FAM120B: variants seen among roughly 807,000 people sequenced by gnomAD.
FAM120B encodes the protein family with sequence similarity 120 member B.
In FAM120B, 83 loss-of-function variants were observed where a neutral mutation model predicts 96.3. The ratio of observed to expected loss-of-function variants is 0.86; its 90% CI spans 0.72 to 1.03. The LOEUF (loss-of-function observed/expected upper bound fraction) is 1.03. Ranked by LOEUF, FAM120B falls within the 50% of genes least tolerant of loss-of-function variation. FAM120B has a pLI of 0.00. For missense variants in FAM120B, 1,027 were observed against 1,121.2 expected (o/e 0.92, Z 1.20); for synonymous variants, 407 against 402.7 (o/e 1.01, Z -0.13).
intron 6 of FAM120B, among the ~76,000 whole-genome samples, chr6:170,388,048 G>A (rs552863105): frequency 6.6e-6 from 1 of 152,268 alleles, no homozygotes; most frequent in South Asian, 2.1e-4. Context: ...ATGGGTGGAT[G>A]GATGAAGACA....
chr6:170,326,005 G>A (rs1363495719), intron 3 of FAM120B, among the ~76,000 whole-genome samples: 5 of 152,086 alleles, frequency 3.3e-5, no homozygotes, highest in Non-Finnish European at 4.4e-5. Context: ...TTGTAACTGT[G>A]TATTTTCATT....
In FAM120B at chr6:170,368,649, C is replaced by T. The variant is rs112056140; in HGVS notation, c.2283+10331C>T. Among the ~76,000 whole-genome samples the T allele has an allele frequency of 1.5e-3, 223 of 152,292 alleles. 1 individual carries two copies. Among genetic ancestry groups the T allele is most frequent in the African/African-American group, 5.1e-3 (210 of 41,560 alleles). The stretch of plus-strand genomic sequence containing the variant: ...GGAAAAATGCTTTCATTATTGGGCA[C>T]TCAATAAAAATTTGGTGAATGAATG... On this transcript the variant is annotated intron_variant, in intron 6 of 10. Coordinates refer to ENST00000476287, the MANE Select transcript of FAM120B (RefSeq NM_032448.3).
Position 170,363,100 on chromosome 6 carries a change from A to G in FAM120B, c.2283+4782A>G, listed in dbSNP as rs58012378. Among the ~76,000 whole-genome samples the G allele has an allele frequency of 0.017, 2,617 of 152,128 alleles. 73 individuals carry two copies. The highest frequency in any genetic ancestry group is 0.056 in the African/African-American group (2,332 of 41,490). Reference sequence around the variant, plus strand: ...CCGTGTCAGGGCTCTGAAAGCCACAAAACCATCACCCCTCCTCCTGCTGGC... The same window carrying G: ...CCGTGTCAGGGCTCTGAAAGCCACAGAACCATCACCCCTCCTCCTGCTGGC... On this transcript the variant is annotated intron_variant, in intron 6 of 10. Coordinates refer to ENST00000476287, the MANE Select transcript of FAM120B (RefSeq NM_032448.3). The surrounding 1 kb of genome is among the most constrained non-coding windows in gnomAD (Gnocchi z 4.5).
chr6:170,297,774 C>A (rs1352048198), intron 1 of FAM120B: 1 of 152,140 alleles, frequency 6.6e-6, no homozygotes, highest in Non-Finnish European at 1.5e-5. Flanking sequence ...GTGTGGCTCC[C>A]CAAATGTTGT....
chr6:170,347,901 C>G (rs1208160423), intron 4 of FAM120B, among the ~76,000 whole-genome samples: 1 of 151,912 alleles, frequency 6.6e-6, no homozygotes, highest in African/African-American at 2.4e-5. Flanking sequence ...TCTTAATGGT[C>G]GAAAGTGCAG....
chr6:170,373,384 G>A (rs143423092), intron 6 of FAM120B, among the ~76,000 whole-genome samples: 1 of 152,268 alleles, frequency 6.6e-6, no homozygotes, highest in East Asian at 1.9e-4. Context: ...CCTCTGTCAC[G>A]CTGACTTGGG....
intron 6 of FAM120B, among the ~76,000 whole-genome samples, chr6:170,380,717 G>T (rs1033952375): frequency 7.9e-5 from 12 of 152,192 alleles, no homozygotes; most frequent in African/African-American, 2.9e-4. Context: ...CTGTCGAGTT[G>T]TGTGAGTTCC....
intron 5 of FAM120B, among the ~76,000 whole-genome samples, chr6:170,353,020 A>G (rs556908058): frequency 2.0e-5 from 3 of 152,288 alleles, no homozygotes; most frequent in African/African-American, 2.4e-5. Context: ...AAATAAATAC[A>G]ATCAGAAATG....
chr6:170,312,771 T>C (rs1784663932), intron 1 of FAM120B, among the ~76,000 whole-genome samples: 1 of 152,172 alleles, frequency 6.6e-6, no homozygotes, highest in African/African-American at 2.4e-5. Context: ...ACTATTGCAG[T>C]GAAGGAGAGA....
At chr6:170,401,839 C>A (rs1778598556) in intron 9 of FAM120B, among the ~76,000 whole-genome samples, 2 of 152,238 alleles carry the variant, frequency 1.3e-5, no homozygotes, top group African/African-American at 4.8e-5. Flanking sequence ...AATCTGAAAC[C>A]TGAACTACTT....
At chr6:170,362,532 G>A (rs1195928163) in intron 6 of FAM120B, among the ~76,000 whole-genome samples, 1 of 152,182 alleles carries the variant, frequency 6.6e-6, no homozygotes, top group African/African-American at 2.4e-5. Context: ...CATGGTTGCC[G>A]TTATTCTCTC....
intron 1 of FAM120B, among the ~76,000 whole-genome samples, chr6:170,296,307 G>A (rs1236305217): frequency 1.3e-5 from 2 of 152,156 alleles, no homozygotes; most frequent in Non-Finnish European, 1.5e-5. Context: ...GATCCGCGAC[G>A]GGGAGTGAGC....
intron 1 of FAM120B, among the ~76,000 whole-genome samples, chr6:170,313,926 C>T (rs562945992): frequency 6.6e-6 from 1 of 152,368 alleles, no homozygotes; most frequent in South Asian, 2.1e-4. Flanking sequence ...GTAAGTCCCT[C>T]ATCCCTGTGT....
At chr6:170,328,820 A>C (rs1056577618) in intron 3 of FAM120B, among the ~76,000 whole-genome samples, 2 of 152,214 alleles carry the variant, frequency 1.3e-5, no homozygotes, top group Non-Finnish European at 2.9e-5. Flanking sequence ...TATATGCCAG[A>C]ACATTTTGGA....
At chr6:170,378,077 GTTTATA>G (rs971469224) in intron 6 of FAM120B, among the ~76,000 whole-genome samples, 12 of 152,204 alleles carry the variant, frequency 7.9e-5, no homozygotes, top group African/African-American at 2.4e-4. Context: ...TTGGTTTAGA[GTTTATA>G]TTTAATACCT....
At chr6:170,402,647 AAGG>A (rs1249999500) in intron 9 of FAM120B, among the ~76,000 whole-genome samples, 2 of 152,176 alleles carry the variant, frequency 1.3e-5, no homozygotes, top group Non-Finnish European at 2.9e-5. Flanking sequence ...CCTCCAGAAA[AAGG>A]AGGAGACAGT....
chr6:170,401,894 A>G (rs562615298), intron 9 of FAM120B, among the ~76,000 whole-genome samples: 1 of 152,368 alleles, frequency 6.6e-6, no homozygotes, highest in East Asian at 1.9e-4. Flanking sequence ...CCTGTAGTAA[A>G]CAACCCAGGG....
In FAM120B at chr6:170,319,098, A is replaced by G. The variant is rs1785127974; in HGVS notation, c.1708A>G (p.Met570Val). Residue 570 changes from methionine to valine, a missense_variant, in exon 2 of 11, where the codon ATG (methionine) becomes GTG (valine). Around this residue, in one of 3 missense-constraint regions of FAM120B, gnomAD observed 880 missense variants for 980.9 expected, o/e 0.90. Coordinates refer to ENST00000476287, the MANE Select transcript of FAM120B (RefSeq NM_032448.3). ...GCCTGAAGTAAAGCAACAAGTAACC[A>G]TGGTTTCAGACACTGAAATCTTAAA... ...VGPEVKQQVT[M>V]VSDTEILKVA... The G allele has an allele frequency of 3.8e-6, 6 of 1,575,782 alleles. No homozygotes were observed. Among genetic ancestry groups the G allele is most frequent in the South Asian group, 1.2e-5 (1 of 86,376 alleles).
upstream of FAM120B, among the ~76,000 whole-genome samples, chr6:170,306,123 G>T (rs1329307800): frequency 6.6e-6 from 1 of 152,206 alleles, no homozygotes; most frequent in African/African-American, 2.4e-5. Flanking sequence ...ACAACTTTCA[G>T]CTGAAGAGTA....
Sources: gnomAD v4.1 joint callset for allele counts (sites outside exome capture counted in the v4.1 genomes callset) on GRCh38, gnomAD v4.1.1 for gene constraint, gnomAD v4.1.1 regional missense constraint, Gnocchi (gnomAD v3.1) non-coding constraint, MANE v1.5 for transcripts, NCBI Gene and HGNC (gene_info 2026-07-23, HGNC 2026-07-21) for gene names.